The following GRB10 variants were observed in gnomAD, a reference collection of about 807,000 sequenced individuals.
The protein encoded by GRB10 is growth factor receptor bound protein 10.
A neutral mutation model predicts 80.9 loss-of-function variants in GRB10; 20 were observed. The observed-to-expected ratio is 0.25, with a 90% CI of 0.17 to 0.36. The LOEUF (loss-of-function observed/expected upper bound fraction) is 0.36, where lower values mean the gene tolerates loss of function less well. GRB10 is among the 10% of genes least tolerant of loss of function. The pLI, the probability that GRB10 is intolerant of heterozygous loss-of-function variation, is 1.00. For synonymous variants in GRB10, 291 were observed against 291.5 expected (o/e 1.00, Z 0.02); for missense variants, 548 against 747.7 (o/e 0.73, Z 3.12).
At chr7:50,667,565 C>T (rs1190713570) in intron 7 of GRB10, among the ~76,000 whole-genome samples, 2 of 151,788 alleles carry the variant, frequency 1.3e-5, no homozygotes, top group East Asian at 1.9e-4. Flanking sequence ...GGAGGTTGTC[C>T]AGCACTTGCT....
chr7:50,676,128 C>G (rs1342436712), intron 5 of GRB10, among the ~76,000 whole-genome samples: 20 of 152,166 alleles, frequency 1.3e-4, no homozygotes, highest in Admixed American at 1.3e-3. Flanking sequence ...GCAAGTTACA[C>G]CCACTTAACA....
chr7:50,629,372 T>A (rs188215140), intron 7 of GRB10, among the ~76,000 whole-genome samples: 1 of 152,288 alleles, frequency 6.6e-6, no homozygotes, highest in East Asian at 1.9e-4. Flanking sequence ...AAAGCTGAGA[T>A]GTGCTTGGTC....
chr7:50,768,335 C>T (rs10278363), intron 2 of GRB10, among the ~76,000 whole-genome samples: 124,024 of 152,190 alleles, frequency 0.81, 50,613 homozygotes, highest in Middle Eastern at 0.91. Context: ...GCTCTTGTAA[C>T]TTGGGTAGAA....
intron 16 of GRB10, 80 bp downstream of exon 16, chr7:50,604,230 CG>C (rs1413164642): frequency 7.4e-7 from 1 of 1,360,138 alleles, no homozygotes; most frequent in African/African-American, 1.4e-5. Flanking sequence ...CAGGCAAATT[CG>C]TAAGGCTGAG....
At chr7:50,618,173 G>T (rs765532641) in intron 9 of GRB10, 34 bp from the exon 10 acceptor site, 1 of 1,538,818 alleles carries the variant, frequency 6.5e-7, no homozygotes, top group Non-Finnish European at 9.0e-7. Flanking sequence ...TACGTAAAAG[G>T]TTAGCTTCAA....
chr7:50,780,118 G>GA (rs2153713144), intron 2 of GRB10, among the ~76,000 whole-genome samples: 1 of 152,282 alleles, frequency 6.6e-6, no homozygotes, highest in Admixed American at 6.5e-5. Context: ...CATTCCACAT[G>GA]AAAACAGAAG....
intron 5 of GRB10, among the ~76,000 whole-genome samples, chr7:50,700,410 C>T (rs2064015677): frequency 6.6e-6 from 1 of 152,128 alleles, no homozygotes; most frequent in South Asian, 2.1e-4. Flanking sequence ...TTCTTGGGCA[C>T]CTTTTGCCCT....
chr7:50,792,867 C>G (rs2078991578), intron 1 of GRB10: 1 of 149,642 alleles, frequency 6.7e-6, no homozygotes, highest in Non-Finnish European at 1.5e-5. Flanking sequence ...CGCGAGCCGC[C>G]GGCGTCTGAC....
chr7:50,614,953 G>T, intron 11 of GRB10, 73 bp from the exon 12 acceptor site: 1 of 929,994 alleles, frequency 1.1e-6, no homozygotes, highest in Non-Finnish European at 1.8e-6. Flanking sequence ...GGTAGACAGA[G>T]GGCAGTCTCT....
At position 50,613,138 on chromosome 7, in the gene GRB10, T is replaced by G. The variant is rs185623494; in HGVS notation, c.1096-299A>C. Among the ~76,000 whole-genome samples the G allele has an allele frequency of 4.5e-3, 692 of 152,290 alleles. 3 individuals carry two copies. The highest frequency in any genetic ancestry group is 8.7e-3 in the Non-Finnish European group (595 of 68,026). On this transcript the variant is annotated intron_variant, in intron 12 of 18. Transcript: ENST00000401949. ...AAAAACAAACTAGCACAGGACAACG[T>G]AATGTGGTAAGCACAATAGGACAAA...
At chr7:50,753,484 G>A (rs1301408503) in intron 3 of GRB10, among the ~76,000 whole-genome samples, 1 of 152,170 alleles carries the variant, frequency 6.6e-6, no homozygotes, top group East Asian at 1.9e-4. Flanking sequence ...CCCAAGTCAA[G>A]GAAAGGTTTC....
intron 7 of GRB10, among the ~76,000 whole-genome samples, chr7:50,655,241 T>C (rs569007969): frequency 1.3e-5 from 2 of 152,282 alleles, no homozygotes; most frequent in East Asian, 1.9e-4. Context: ...TGACCCTTTT[T>C]TGGTGACATC....
intron 11 of GRB10, 65 bp downstream of exon 11, chr7:50,616,145 C>CT (rs1181478574): frequency 6.3e-6 from 10 of 1,593,146 alleles, no homozygotes; most frequent in Non-Finnish European, 8.6e-6. Context: ...CAGGTTCACT[C>CT]TGAGGACCTG....
intron 2 of GRB10, among the ~76,000 whole-genome samples, chr7:50,759,489 G>C (rs2075503296): frequency 6.6e-6 from 1 of 152,040 alleles, no homozygotes; most frequent in Non-Finnish European, 1.5e-5. Flanking sequence ...CGTAGTATTT[G>C]GATATGACCT....
intron 2 of GRB10, among the ~76,000 whole-genome samples, chr7:50,766,727 T>A (rs555375220): frequency 6.6e-6 from 1 of 152,336 alleles, no homozygotes; most frequent in African/African-American, 2.4e-5. Context: ...CAGCCAGTTA[T>A]CAACATTAGC....
intron 17 of GRB10, among the ~76,000 whole-genome samples, chr7:50,599,184 G>A (rs1225602155): frequency 2.0e-5 from 3 of 152,156 alleles, no homozygotes; most frequent in Non-Finnish European, 4.4e-5. Context: ...GTGGGGACGG[G>A]GATGGGAGGG....
chr7:50,751,356 G>T (rs2074075484), intron 3 of GRB10, among the ~76,000 whole-genome samples: 1 of 152,192 alleles, frequency 6.6e-6, no homozygotes, highest in African/African-American at 2.4e-5. Context: ...CTGGAAACAA[G>T]CCAAATGCCC....
chr7:50,719,460 C>T (rs1426771412), intron 4 of GRB10, among the ~76,000 whole-genome samples: 2 of 145,802 alleles, frequency 1.4e-5, no homozygotes, highest in African/African-American at 5.1e-5. Context: ...CACTCATAAG[C>T]GGCAGTTGAA....
At chr7:50,790,375 A>C (rs1236180062) in intron 1 of GRB10, among the ~76,000 whole-genome samples, 1 of 152,252 alleles carries the variant, frequency 6.6e-6, no homozygotes, top group Non-Finnish European at 1.5e-5. Context: ...ATAAAAAATA[A>C]AATAGCACAG....
Sources: allele counts gnomAD v4.1 joint callset (sites outside exome capture counted in the v4.1 genomes callset), GRCh38; gene constraint gnomAD v4.1.1; transcripts MANE v1.5; gene names NCBI Gene and HGNC (gene_info 2026-07-23, HGNC 2026-07-21).